CEP63: variants seen among roughly 807,000 people sequenced by gnomAD.
The protein encoded by CEP63 is centrosomal protein 63, also known as centrosomal protein of 63 kDa.
In CEP63, 84 loss-of-function variants were observed where a neutral mutation model predicts 89.1. The observed-to-expected ratio is 0.94, with a 90% CI of 0.79 to 1.13. The LOEUF is 1.13. CEP63 is among the 50% of genes most tolerant of loss of function. The pLI, the probability that CEP63 is intolerant of heterozygous loss-of-function variation, is 0.00. For missense variants in CEP63, 838 were observed against 813.3 expected (o/e 1.03, Z -0.37); for synonymous variants, 267 against 272.5 (o/e 0.98, Z 0.20).
downstream of CEP63, among the ~76,000 whole-genome samples, chr3:134,575,657 G>A (rs899365539): frequency 7.3e-5 from 11 of 151,204 alleles, no homozygotes; most frequent in Admixed American, 1.3e-4. Flanking sequence ...TGTGGCCCAG[G>A]TTGGAGTGCA....
At chr3:134,490,973 C>G (rs560312667) in intron 1 of CEP63, among the ~76,000 whole-genome samples, 1 of 152,216 alleles carries the variant, frequency 6.6e-6, no homozygotes, top group African/African-American at 2.4e-5. Context: ...TTAATTCGTC[C>G]CCTCTTGATA....
chr3:134,780,910 T>G, the CEP63 span, among the ~76,000 whole-genome samples: 2 of 152,216 alleles, frequency 1.3e-5, no homozygotes, highest in Non-Finnish European at 2.9e-5. Context: ...TATTATGAAG[T>G]CTTCCTTTTA....
the CEP63 span, chr3:134,627,697 C>G: frequency 2.0e-6 from 3 of 1,484,518 alleles, no homozygotes; most frequent in Non-Finnish European, 2.8e-6. Flanking sequence ...GGAGATTAGT[C>G]TATGAGGCTA....
At chr3:134,650,875 G>T in the CEP63 span, 1 of 1,612,666 alleles carries the variant, frequency 6.2e-7, no homozygotes. Context: ...GTCTGAGAGC[G>T]TACCCTGTGC....
chr3:134,588,879 A>T (rs556504031), downstream of CEP63, among the ~76,000 whole-genome samples: 1 of 152,332 alleles, frequency 6.6e-6, no homozygotes, highest in South Asian at 2.1e-4. Flanking sequence ...AAAAATAATA[A>T]AAAGCAAACA....
At chr3:134,592,127 C>T (rs1958609103), downstream of CEP63, among the ~76,000 whole-genome samples, 1 of 152,162 alleles carries the variant, frequency 6.6e-6, no homozygotes, top group Admixed American at 6.5e-5. Context: ...ACAGGAGCTG[C>T]TTCCAAGATA....
chr3:134,609,657 C>G, the CEP63 span, among the ~76,000 whole-genome samples: 1 of 152,282 alleles, frequency 6.6e-6, no homozygotes, highest in Admixed American at 6.5e-5. Flanking sequence ...TCCTCTGCAC[C>G]CCGGCTGCCC....
chr3:134,668,577 A>C, the CEP63 span, among the ~76,000 whole-genome samples: 532 of 152,262 alleles, frequency 3.5e-3, 2 homozygotes, highest in African/African-American at 0.012. Context: ...CATCAAGACA[A>C]GCCAAGAACA....
downstream of CEP63, among the ~76,000 whole-genome samples, chr3:134,590,303 C>A (rs2081895280): frequency 1.3e-5 from 2 of 151,956 alleles, no homozygotes; most frequent in African/African-American, 2.4e-5. Flanking sequence ...TCCAAAAGGA[C>A]CTCCCTATAA....
the CEP63 span, among the ~76,000 whole-genome samples, chr3:134,780,266 C>T: frequency 7.2e-5 from 11 of 152,010 alleles, no homozygotes; most frequent in African/African-American, 2.2e-4. Context: ...TTTTTGTAGT[C>T]GAAATATATA....
chr3:134,572,574 A>G (rs1326877607), intron 11 of CEP63, among the ~76,000 whole-genome samples: 1 of 152,204 alleles, frequency 6.6e-6, no homozygotes, highest in Non-Finnish European at 1.5e-5. Flanking sequence ...TGTTGCTGCA[A>G]AGGACATGAT....
At chr3:134,565,042 T>C, downstream of CEP63, 1 of 889,626 alleles carries the variant, frequency 1.1e-6, no homozygotes, top group Non-Finnish European at 1.3e-6. Flanking sequence ...TCTGAGTTAG[T>C]GTCTTAACAC....
the CEP63 span, among the ~76,000 whole-genome samples, chr3:134,674,649 A>G: frequency 6.6e-6 from 1 of 152,226 alleles, no homozygotes; most frequent in Non-Finnish European, 1.5e-5. Context: ...CTAATTGAAG[A>G]TGATATGATC....
At chr3:134,551,315 G>A (rs181081663) in intron 11 of CEP63, among the ~76,000 whole-genome samples, 5 of 152,178 alleles carry the variant, frequency 3.3e-5, no homozygotes, top group South Asian at 2.1e-4. Context: ...AAAGCATAGC[G>A]TAAGAAGAGA....
chr3:134,664,896 C>T, the CEP63 span, among the ~76,000 whole-genome samples: 1 of 152,144 alleles, frequency 6.6e-6, no homozygotes, highest in Non-Finnish European at 1.5e-5. Flanking sequence ...ATCTGTTTCC[C>T]CTATCCCCCA....
At chr3:134,510,857 C>T in intron 3 of CEP63, 1 of 247,446 alleles carries the variant, frequency 4.0e-6, no homozygotes, top group Non-Finnish European at 8.0e-6. Flanking sequence ...TTAACTCCTT[C>T]AAGGAGAGCA....
chr3:134,610,969 C>T, the CEP63 span, among the ~76,000 whole-genome samples: 1 of 152,288 alleles, frequency 6.6e-6, no homozygotes, highest in East Asian at 1.9e-4. Context: ...AGGGGAACCC[C>T]GGGGCAGGCG....
chr3:134,726,225 T>C, the CEP63 span, among the ~76,000 whole-genome samples: 1 of 152,150 alleles, frequency 6.6e-6, no homozygotes, highest in Non-Finnish European at 1.5e-5. Flanking sequence ...CCTGGCTTTT[T>C]CCACGGAAAG....
rs528523994 is a variant in CEP63 at position 134,570,711 on chromosome 3, G to A, written c.1330-4082G>A. Among the ~76,000 whole-genome samples the A allele has an allele frequency of 1.3e-3, 193 of 152,254 alleles. 1 individual carries two copies. Among genetic ancestry groups the A allele is most frequent in the African/African-American group, 4.2e-3 (176 of 41,542 alleles). On this transcript the variant is annotated intron_variant, in intron 11 of 11. Transcript: ENST00000354446. ...TTCCAAAGTCGCTTCCACATTTTCA[G>A]GTATCTTTTCAGCAACACCCCACTC...
Sources: allele counts gnomAD v4.1 joint callset (sites outside exome capture counted in the v4.1 genomes callset), GRCh38; gene constraint gnomAD v4.1.1; transcripts MANE v1.5; gene names NCBI Gene and HGNC (gene_info 2026-07-23, HGNC 2026-07-21).